Variants in TNNI3K observed in about 807,000 individuals in gnomAD.
The protein encoded by TNNI3K is TNNI3 interacting kinase, also known as serine/threonine-protein kinase TNNI3K.
A neutral mutation model predicts 114.5 loss-of-function variants in TNNI3K; 140 were observed. The observed-to-expected ratio is 1.22, with a 90% CI of 1.07 to 1.41. The LOEUF (loss-of-function observed/expected upper bound fraction) is 1.41, where lower values mean the gene tolerates loss of function less well. TNNI3K is among the 40% of genes most tolerant of loss of function. The pLI is 0.00. For synonymous variants in TNNI3K, 347 were observed against 347.5 expected, an observed-to-expected ratio of 1.00 and a Z score of 0.02; for missense variants, 1,125 against 1,007.6, an observed-to-expected ratio of 1.12 and a Z score of -1.58.
chr1:74,332,021 TA>T (rs1309888322), intron 6 of TNNI3K, among the ~76,000 whole-genome samples: 1 of 152,178 alleles, frequency 6.6e-6, no homozygotes, highest in Non-Finnish European at 1.5e-5. Context: ...AAAGGCTCTA[TA>T]AAAACAATTA....
At chr1:74,494,481 T>G (rs1436680758) in intron 23 of TNNI3K, among the ~76,000 whole-genome samples, 1 of 152,174 alleles carries the variant, frequency 6.6e-6, no homozygotes, top group African/African-American at 2.4e-5. Flanking sequence ...TTTTAGTCTC[T>G]TGTATAATTT....
At chr1:74,339,264 A>G (rs116560940) in intron 7 of TNNI3K, among the ~76,000 whole-genome samples, 2,291 of 152,190 alleles carry the variant, frequency 0.015, 52 homozygotes, top group African/African-American at 0.05. Flanking sequence ...TTATTCAATT[A>G]TTTTATAAAG....
In TNNI3K at chr1:74,511,931, G is replaced by T. The variant is rs115993353; in HGVS notation, c.2351+19665G>T. On this transcript the variant is annotated intron_variant, in intron 23 of 24. Transcript: ENST00000326637. ...GAGTGTGGGTAGAGCAGAAGCTATA[G>T]ATGAGGATCTAAAGTCAATAGAAGT... 7.5e-3 allele frequency among the ~76,000 whole-genome samples: 1,145 copies of T among 152,296 alleles called. 5 individuals carry two copies. The highest frequency in any genetic ancestry group is 0.011 in the Non-Finnish European group (774 of 68,034).
At chr1:74,401,368 C>T (rs1417950366) in intron 17 of TNNI3K, among the ~76,000 whole-genome samples, 4 of 152,058 alleles carry the variant, frequency 2.6e-5, no homozygotes. Context: ...GGTTTCAATA[C>T]TTTACTGTAT....
rs1301290276 is a variant in TNNI3K, at chr1:74,483,235, G to A, written c.2122-5954G>A. On this transcript the variant is annotated intron_variant, in intron 21 of 24. Coordinates refer to ENST00000326637, the MANE Select transcript of TNNI3K (RefSeq NM_015978.3). ...CAATTTTCCAGGTACACTGAGCACT[G>A]CTTTTTAGAGTTATTAGTTTTATTA... The A allele has an allele frequency of 5.6e-6, 4 of 716,322 alleles. No homozygotes were observed. The Admixed American group carries it at 6.0e-5, about 11-fold the overall frequency. 44.4% of individuals were successfully genotyped at this position (716,322 alleles called of 1,614,324 possible). A position where few individuals can be genotyped will look rare whatever the true frequency, so the allele number is the denominator to read the frequency against.
chr1:74,427,525 G>A (rs1246323554), intron 17 of TNNI3K, among the ~76,000 whole-genome samples: 3 of 151,730 alleles, frequency 2.0e-5, no homozygotes, highest in East Asian at 3.9e-4. Flanking sequence ...GTTCATCCAC[G>A]GTACCAATGC....
intron 18 of TNNI3K, 36 bp downstream of exon 18, chr1:74,436,168 G>C (rs201524925): frequency 2.5e-6 from 4 of 1,578,614 alleles, no homozygotes; most frequent in Non-Finnish European, 3.4e-6. Context: ...TTTTTTCTTT[G>C]TTCCTAGCTG....
chr1:74,446,238 G>A (rs1666666747), intron 20 of TNNI3K, among the ~76,000 whole-genome samples: 4 of 150,450 alleles, frequency 2.7e-5, no homozygotes, highest in African/African-American at 2.5e-5. Flanking sequence ...CATTCTAACT[G>A]GTGTGAGATG....
At chr1:74,525,283 G>C (rs547031280) in intron 23 of TNNI3K, among the ~76,000 whole-genome samples, 7 of 152,304 alleles carry the variant, frequency 4.6e-5, no homozygotes, top group Non-Finnish European at 8.8e-5. Context: ...AGCGCTTTGC[G>C]TGTATACCAT....
chr1:74,402,865 G>A (rs767174847), intron 17 of TNNI3K, among the ~76,000 whole-genome samples: 4 of 152,052 alleles, frequency 2.6e-5, no homozygotes, highest in Non-Finnish European at 5.9e-5. Flanking sequence ...AAAACATTAT[G>A]AGTTTTTATT....
chr1:74,476,217 A>G (rs910618419), intron 21 of TNNI3K, among the ~76,000 whole-genome samples: 1 of 152,078 alleles, frequency 6.6e-6, no homozygotes, highest in African/African-American at 2.4e-5. Context: ...TTCATGTTCT[A>G]TGTAGTTTGT....
intron 5 of TNNI3K, among the ~76,000 whole-genome samples, chr1:74,294,841 T>G (rs1233804731): frequency 6.6e-6 from 1 of 152,028 alleles, no homozygotes; most frequent in Non-Finnish European, 1.5e-5. Context: ...AAACCTTTTG[T>G]GCTTTTGTTA....
chr1:74,527,140 C>T (rs12239001), intron 23 of TNNI3K, among the ~76,000 whole-genome samples: 6,170 of 152,212 alleles, frequency 0.041, 398 homozygotes, highest in African/African-American at 0.14. Context: ...ATGAAGGCTA[C>T]CTTCAGGTCA....
At chr1:74,458,739 T>C (rs940257507) in intron 20 of TNNI3K, among the ~76,000 whole-genome samples, 2 of 152,212 alleles carry the variant, frequency 1.3e-5, no homozygotes, top group Non-Finnish European at 2.9e-5. Flanking sequence ...ATAACACTTT[T>C]AGTGCCTATG....
chr1:74,324,279 T>C (rs941556216), intron 5 of TNNI3K, among the ~76,000 whole-genome samples: 10 of 152,196 alleles, frequency 6.6e-5, no homozygotes, highest in African/African-American at 2.4e-4. Flanking sequence ...AGGGTCACTC[T>C]TTAGGAGAGC....
intron 6 of TNNI3K, among the ~76,000 whole-genome samples, chr1:74,333,620 G>T (rs1660324676): frequency 6.6e-6 from 1 of 152,168 alleles, no homozygotes. Context: ...GTGTGTGAAG[G>T]CAGCACATAA....
intron 21 of TNNI3K, chr1:74,472,215 A>C (rs1667971110): frequency 1.4e-6 from 1 of 715,972 alleles, no homozygotes; most frequent in Non-Finnish European, 2.6e-6. Flanking sequence ...TGGAACAATA[A>C]ATGCAAGAAT....
chr1:74,296,671 C>A (rs578042899), intron 5 of TNNI3K, among the ~76,000 whole-genome samples: 2 of 152,108 alleles, frequency 1.3e-5, no homozygotes, highest in South Asian at 2.1e-4. Context: ...TATTCACTAT[C>A]AATTTTGAAG....
chr1:74,391,636 A>G (rs1446853556), intron 17 of TNNI3K, among the ~76,000 whole-genome samples: 1 of 152,220 alleles, frequency 6.6e-6, no homozygotes, highest in African/African-American at 2.4e-5. Context: ...AAGCTCAGAA[A>G]GAGACAAATA....
Sources: allele counts gnomAD v4.1 joint callset (sites outside exome capture counted in the v4.1 genomes callset), GRCh38; gene constraint gnomAD v4.1.1; transcripts MANE v1.5; gene names NCBI Gene and HGNC (gene_info 2026-07-23, HGNC 2026-07-21).